The following DGKI variants were observed in gnomAD, a reference collection of about 807,000 sequenced individuals.
DGKI encodes diacylglycerol kinase iota.
DGKI carries 55 observed loss-of-function variants against 147.5 expected under a neutral mutation model. The observed-to-expected ratio is 0.37, with a 90% confidence interval of 0.30 to 0.47. The LOEUF is 0.47. Among genes scored for constraint, DGKI ranks in the 20% least tolerant of loss-of-function variants. DGKI has a pLI of 1.00. For synonymous variants in DGKI, 469 were observed against 477.1 expected, an observed-to-expected ratio of 0.98 and a Z score of 0.22; for missense variants, 1,007 against 1,323.8, an observed-to-expected ratio of 0.76 and a Z score of 3.71.
intron 1 of DGKI, among the ~76,000 whole-genome samples, chr7:137,759,567 C>G (rs1795793580): frequency 6.6e-6 from 1 of 152,154 alleles, no homozygotes; most frequent in African/African-American, 2.4e-5. Flanking sequence ...GTCTCGAACT[C>G]CTGACCTCAG....
Position 137,846,760 on chromosome 7 carries a change from C to A in DGKI, c.103G>T (p.Gly35Cys), listed in dbSNP as rs1798751971. 1 of 1,029,980 alleles carries A rather than the reference C, an allele frequency of 9.7e-7. No individual in the cohort carries two copies. Among genetic ancestry groups the A allele is most frequent in the Non-Finnish European group, 1.2e-6 (1 of 861,250 alleles). The allele number at this position is 1,029,980 out of a possible 1,614,324, so 63.8% of individuals were successfully genotyped here. A position where few individuals can be genotyped will look rare whatever the true frequency, so the allele number is the denominator to read the frequency against. Residue 35 changes from glycine to cysteine, a missense_variant, in exon 1 of 33, where the codon GGC (glycine) becomes TGC (cysteine). Around this residue, in one of 5 missense-constraint regions of DGKI, gnomAD observed 137 missense variants for 114.4 expected, o/e 1.20. Coordinates refer to ENST00000614521, the MANE Select transcript of DGKI (RefSeq NM_001321708.2). This position sits in a 1 kb window ranked among gnomAD's most constrained non-coding sequence, Gnocchi z 4.0. ...GCGCAGGCGGCGCCGCTGCAGGGGC[C>A]GGGCGGGCTGGCGGCGGCGGCGGCG... is the stretch of plus-strand genomic sequence containing the variant. Reference protein sequence around the residue: ...AAAAAAASPPGPCSGAACAPS... With the variant: ...AAAAAAASPPCPCSGAACAPS...
intron 19 of DGKI, among the ~76,000 whole-genome samples, chr7:137,569,572 C>CA (rs1818713873): frequency 6.6e-6 from 1 of 150,582 alleles, no homozygotes; most frequent in East Asian, 2.0e-4. Context: ...ACTAAAAATA[C>CA]AAAAAAATTA....
intron 30 of DGKI, among the ~76,000 whole-genome samples, chr7:137,404,902 C>A (rs538211593): frequency 6.6e-6 from 1 of 152,164 alleles, no homozygotes; most frequent in Non-Finnish European, 1.5e-5. Flanking sequence ...TTGATCAAGG[C>A]CCTCAGAGAC....
At chr7:137,608,583 C>T (rs932617033) in intron 10 of DGKI, among the ~76,000 whole-genome samples, 3 of 152,028 alleles carry the variant, frequency 2.0e-5, no homozygotes, top group Admixed American at 6.6e-5. Flanking sequence ...GTGGTTGTAT[C>T]TAAATTGCAA....
chr7:137,531,176 G>A (rs113480695), intron 20 of DGKI, among the ~76,000 whole-genome samples: 2 of 152,068 alleles, frequency 1.3e-5, no homozygotes, highest in Non-Finnish European at 2.9e-5. Context: ...TAGACATAGA[G>A]GTAACATGCA....
chr7:137,442,489 A>G (rs1250600126), intron 28 of DGKI, among the ~76,000 whole-genome samples: 1 of 152,222 alleles, frequency 6.6e-6, no homozygotes, highest in Non-Finnish European at 1.5e-5. Context: ...CCTAGTTCAA[A>G]ATAAAAACCA....
Position 137,567,721 on chromosome 7 carries a change from ACT to A in DGKI, c.1947+3452_1947+3453del, listed in dbSNP as rs1401357422. Among the ~76,000 whole-genome samples the A allele has an allele frequency of 5.3e-5, 8 of 152,296 alleles. No individual in the cohort carries two copies. The South Asian group carries it at 1.2e-3, about 24-fold the overall frequency. On this transcript the variant is annotated intron_variant, in intron 19 of 32. Coordinates refer to ENST00000614521, the MANE Select transcript of DGKI (RefSeq NM_001321708.2). Reference sequence around the variant, plus strand: ...ATTTGTGAGACAACTGGAAATTCAAACTCTGAGTAAATATTTAGTGATATTCA... The same window carrying A: ...ATTTGTGAGACAACTGGAAATTCAAACTGAGTAAATATTTAGTGATATTCA...
intron 27 of DGKI, among the ~76,000 whole-genome samples, chr7:137,451,008 A>C (rs918597131): frequency 1.3e-5 from 2 of 152,192 alleles, no homozygotes; most frequent in African/African-American, 4.8e-5. Flanking sequence ...AATATTATGT[A>C]ATTTAACTGG....
Position 137,638,531 on chromosome 7 carries a change from C to CATATATATGTATATATATGTGTGTATAT in DGKI, c.804+6940_804+6941insATATACACACATATATATACATATATAT, listed in dbSNP as rs1456992268. On this transcript the variant is annotated intron_variant, in intron 6 of 32. Coordinates refer to ENST00000614521, the MANE Select transcript of DGKI (RefSeq NM_001321708.2). ...ATATATGTGTGTATATATATACACA[C>CATATATATGTATATATATGTGTGTATAT]ACATATATGTATATATATGTGTGTA... Among the ~76,000 whole-genome samples, 2 of 114,416 alleles carry CATATATATGTATATATATGTGTGTATAT rather than the reference C, an allele frequency of 1.7e-5. 1 individual carries two copies. The highest frequency in any genetic ancestry group is 7.4e-5 in the African/African-American group (2 of 27,206). 75.1% of individuals were successfully genotyped at this position (114,416 alleles called of 152,430 possible). A position where few individuals can be genotyped will look rare whatever the true frequency, so the allele number is the denominator to read the frequency against.
chr7:137,596,783 T>C (rs1424944814), intron 12 of DGKI, among the ~76,000 whole-genome samples: 2 of 152,222 alleles, frequency 1.3e-5, no homozygotes, highest in African/African-American at 2.4e-5. Flanking sequence ...CATTTATTGG[T>C]ATATAATGTG....
At position 137,638,630 on chromosome 7, in the gene DGKI, G is replaced by GTGTATATA. The variant is rs1821494003; in HGVS notation, c.804+6841_804+6842insTATATACA. 1.7e-3 allele frequency among the ~76,000 whole-genome samples: 7 copies of GTGTATATA among 4,060 alleles called. 2 individuals are homozygous for GTGTATATA. Among genetic ancestry groups the GTGTATATA allele is most frequent in the Admixed American group, 3.8e-3 (1 of 260 alleles). 2.7% of individuals were successfully genotyped at this position (4,060 alleles called of 152,430 possible). A position where few individuals can be genotyped will look rare whatever the true frequency, so the allele number is the denominator to read the frequency against. On this transcript the variant is annotated intron_variant, in intron 6 of 32. Transcript: ENST00000614521. ...TATATATACACACACACATATATAT[G>GTGTATATA]TGTGTATATATGTGTATGTATATAC... is the stretch of plus-strand genomic sequence containing the variant.
intron 21 of DGKI, among the ~76,000 whole-genome samples, chr7:137,504,553 G>A (rs1816299652): frequency 6.6e-6 from 1 of 152,126 alleles, no homozygotes; most frequent in South Asian, 2.1e-4. Context: ...GAAAGGTATT[G>A]AACAATATGG....
Position 137,385,246 on chromosome 7 carries a change from G to T in DGKI, c.*5974C>A, listed in dbSNP as rs750261297. 1.3e-5 allele frequency: 2 copies of T among 151,908 alleles called. No homozygotes were observed. Among genetic ancestry groups the T allele is most frequent in the African/African-American group, 2.4e-5 (1 of 41,368 alleles). 9.4% of individuals were successfully genotyped at this position (151,908 alleles called of 1,614,324 possible). On this transcript the variant is annotated 3_prime_UTR_variant, in exon 33 of 33. Transcript: ENST00000614521. ...TGACTAGCTCTTAAATTCATGCTTA[G>T]TTTAAAATTTTTTAAATGATAACTA... is the stretch of plus-strand genomic sequence containing the variant.
intron 21 of DGKI, among the ~76,000 whole-genome samples, chr7:137,493,276 G>T (rs562772069): frequency 1.3e-5 from 2 of 152,080 alleles, no homozygotes; most frequent in Admixed American, 6.5e-5. Context: ...GTGCCCCATC[G>T]CACCCACTAT....
intron 20 of DGKI, among the ~76,000 whole-genome samples, chr7:137,542,349 T>C (rs1410342229): frequency 1.3e-5 from 2 of 152,162 alleles, no homozygotes; most frequent in Non-Finnish European, 2.9e-5. Context: ...TGCCCCAAAC[T>C]GGAAGAATAA....
At chr7:137,631,824 T>C (rs1227057625) in intron 6 of DGKI, among the ~76,000 whole-genome samples, 1 of 152,144 alleles carries the variant, frequency 6.6e-6, no homozygotes, top group African/African-American at 2.4e-5. Context: ...CTAGGCAGGC[T>C]AAAGCTGCTA....
intron 19 of DGKI, among the ~76,000 whole-genome samples, chr7:137,564,701 C>T (rs964222059): frequency 5.9e-5 from 9 of 152,340 alleles, no homozygotes; most frequent in South Asian, 4.1e-4. Flanking sequence ...TTACTTCCTT[C>T]CAGGGATGGA....
chr7:137,791,803 T>C (rs1011823644), intron 1 of DGKI, among the ~76,000 whole-genome samples: 3 of 152,230 alleles, frequency 2.0e-5, no homozygotes, highest in Admixed American at 2.0e-4. Context: ...TGAAGAAATG[T>C]AAGTGAAACA....
chr7:137,441,502 C>G (rs141968023), intron 28 of DGKI, among the ~76,000 whole-genome samples: 7 of 150,808 alleles, frequency 4.6e-5, no homozygotes, highest in African/African-American at 1.7e-4. Flanking sequence ...CCATGAGGTA[C>G]GCAGTTTATG....
Sources: allele counts gnomAD v4.1 joint callset (sites outside exome capture counted in the v4.1 genomes callset), GRCh38; gene constraint gnomAD v4.1.1; regional missense constraint gnomAD v4.1.1; non-coding constraint Gnocchi (gnomAD v3.1); transcripts MANE v1.5; gene names NCBI Gene and HGNC (gene_info 2026-07-23, HGNC 2026-07-21).